The following TMTC2 variants were observed in gnomAD, a reference collection of about 807,000 sequenced individuals.
TMTC2 encodes protein O-mannosyl-transferase TMTC2.
TMTC2 carries 43 observed loss-of-function variants against 82.4 expected under a neutral mutation model. The observed-to-expected ratio is 0.52, with a 90% CI of 0.41 to 0.67. The LOEUF is 0.67. Ranked by LOEUF, TMTC2 falls within the 30% of genes least tolerant of loss-of-function variation. The pLI, the probability that TMTC2 is intolerant of heterozygous loss-of-function variation, is 0.00. For synonymous variants in TMTC2, 408 were observed against 381.9 expected (o/e 1.07, Z -0.80); for missense variants, 919 against 1,012.4 (o/e 0.91, Z 1.25).
intron 2 of TMTC2, among the ~76,000 whole-genome samples, chr12:82,868,891 G>A (rs1411958539): frequency 2.0e-5 from 3 of 151,920 alleles, no homozygotes; most frequent in African/African-American, 4.8e-5. Flanking sequence ...CTCCTGGAGC[G>A]ACAACAGGAG....
chr12:82,976,462 G>A (rs1370881468), intron 7 of TMTC2, among the ~76,000 whole-genome samples: 1 of 152,000 alleles, frequency 6.6e-6, no homozygotes, highest in African/African-American at 2.4e-5. Context: ...TACACTTTCA[G>A]ACTTCAAGAG....
intron 1 of TMTC2, chr12:82,759,509 G>A (rs1203684242): frequency 6.6e-6 from 1 of 152,158 alleles, no homozygotes; most frequent in Admixed American, 6.5e-5. Context: ...GAACATTGAG[G>A]TCTTGATCTC....
intron 1 of TMTC2, among the ~76,000 whole-genome samples, chr12:82,776,906 C>G (rs1877631274): frequency 6.6e-6 from 1 of 152,134 alleles, no homozygotes; most frequent in African/African-American, 2.4e-5. Flanking sequence ...CCACTCTACT[C>G]CAACCTGGGT....
At chr12:82,824,915 C>T (rs960741258) in intron 1 of TMTC2, among the ~76,000 whole-genome samples, 2 of 151,984 alleles carry the variant, frequency 1.3e-5, no homozygotes, top group Non-Finnish European at 2.9e-5. Context: ...ATGGTGAAAC[C>T]CCGTATCTAC....
At chr12:82,821,137 G>T (rs1295595751) in intron 1 of TMTC2, among the ~76,000 whole-genome samples, 3 of 152,106 alleles carry the variant, frequency 2.0e-5, no homozygotes, top group Admixed American at 6.5e-5. Flanking sequence ...AGGATTATAG[G>T]TATGAACCAC....
At chr12:82,811,204 C>T (rs1868371955) in intron 1 of TMTC2, among the ~76,000 whole-genome samples, 2 of 152,030 alleles carry the variant, frequency 1.3e-5, no homozygotes, top group South Asian at 4.1e-4. Context: ...CCAGCCTGGG[C>T]AACAGAGTGA....
At chr12:83,122,322 C>G (rs1434181258) in intron 11 of TMTC2, among the ~76,000 whole-genome samples, 2 of 151,270 alleles carry the variant, frequency 1.3e-5, no homozygotes, top group East Asian at 3.9e-4. Flanking sequence ...ATGTCCTCCC[C>G]CAAGTTCTGG....
intron 2 of TMTC2, among the ~76,000 whole-genome samples, chr12:82,893,649 A>G (rs1167873273): frequency 1.3e-5 from 2 of 151,988 alleles, no homozygotes; most frequent in African/African-American, 4.8e-5. Context: ...CTAACCACCT[A>G]TTCTTTTGCT....
At chr12:82,871,714 T>TGA (rs2137137565) in intron 2 of TMTC2, among the ~76,000 whole-genome samples, 1 of 146,002 alleles carries the variant, frequency 6.8e-6, no homozygotes, top group South Asian at 2.2e-4. Flanking sequence ...TGTGTGTGTG[T>TGA]GTGTGTTTTA....
chr12:82,867,133 A>G (rs1396143675), intron 2 of TMTC2, among the ~76,000 whole-genome samples: 1 of 152,222 alleles, frequency 6.6e-6, no homozygotes, highest in African/African-American at 2.4e-5. Flanking sequence ...ACAATGCTGC[A>G]GTACCCAGAT....
chr12:82,956,391 A>G (rs1371296657), intron 4 of TMTC2, among the ~76,000 whole-genome samples: 1 of 152,164 alleles, frequency 6.6e-6, no homozygotes, highest in South Asian at 2.1e-4. Context: ...AGAAAGATGT[A>G]GTATGCAGAC....
intron 11 of TMTC2, among the ~76,000 whole-genome samples, chr12:83,092,515 T>C (rs554021562): frequency 6.6e-6 from 1 of 152,118 alleles, no homozygotes; most frequent in Non-Finnish European, 1.5e-5. Flanking sequence ...CTAGGAAATA[T>C]TGCATCTAGC....
At chr12:83,036,859 G>A (rs916244967) in intron 9 of TMTC2, among the ~76,000 whole-genome samples, 4 of 152,104 alleles carry the variant, frequency 2.6e-5, no homozygotes, top group African/African-American at 9.7e-5. Context: ...GGTGGAAGAA[G>A]GTCAAAGGGG....
chr12:82,899,168 A>G (rs769657605), intron 3 of TMTC2, among the ~76,000 whole-genome samples: 89 of 152,234 alleles, frequency 5.8e-4, no homozygotes, highest in Admixed American at 5.9e-4. Context: ...AAATAAATGT[A>G]CAGCTGACCA....
rs200098505 is a variant in TMTC2 at position 83,119,825 on chromosome 12, G to GT, written c.2332-12384dup. Among the ~76,000 whole-genome samples the GT allele has an allele frequency of 8.5e-4, 129 of 152,244 alleles. 2 individuals are homozygous for GT. The East Asian group carries it at 0.021, about 25-fold the overall frequency. ...ATTTTATAAATGTGGGAGCTCCAGT[G>GT]TAAGTGCATATATGTTTAGGATTGT... On this transcript the variant is annotated intron_variant, in intron 11 of 11. Coordinates refer to ENST00000321196, the MANE Select transcript of TMTC2 (RefSeq NM_152588.3).
At chr12:82,993,811 T>C (rs1032741713) in intron 8 of TMTC2, among the ~76,000 whole-genome samples, 14 of 152,116 alleles carry the variant, frequency 9.2e-5, no homozygotes, top group Non-Finnish European at 1.5e-4. Context: ...CATTAATGAG[T>C]GTAGAAAGAC....
In TMTC2 at chr12:82,848,008, C is replaced by A. The variant is rs570139302; in HGVS notation, c.84-9002C>A. 7.9e-5 allele frequency among the ~76,000 whole-genome samples: 12 copies of A among 152,004 alleles called. No individual in the cohort carries two copies. In the East Asian group the frequency reaches 2.1e-3, roughly 27 times the overall value. ...ATTGAGTACTATGTATGTTAGGCTC[C>A]AAAAGATAAATAAGATGCCTTTTCA... is the stretch of plus-strand genomic sequence containing the variant. On this transcript the variant is annotated intron_variant, in intron 1 of 11. Coordinates refer to ENST00000321196, the MANE Select transcript of TMTC2 (RefSeq NM_152588.3).
intron 3 of TMTC2, among the ~76,000 whole-genome samples, chr12:82,903,417 G>A (rs543660040): frequency 6.6e-6 from 1 of 152,072 alleles, no homozygotes; most frequent in African/African-American, 2.4e-5. Context: ...TTTTGTTTTT[G>A]TTTTGTTTTT....
At chr12:82,708,036 C>T (rs181103844) in intron 1 of TMTC2, among the ~76,000 whole-genome samples, 15 of 152,224 alleles carry the variant, frequency 9.9e-5, no homozygotes, top group Non-Finnish European at 1.8e-4. Context: ...GTGGGGCAAA[C>T]CCACCCTGCA....
Sources: allele counts gnomAD v4.1 joint callset (sites outside exome capture counted in the v4.1 genomes callset), GRCh38; gene constraint gnomAD v4.1.1; transcripts MANE v1.5; gene names NCBI Gene and HGNC (gene_info 2026-07-23, HGNC 2026-07-21).